SEC24A: variants seen among roughly 807,000 people sequenced by gnomAD.
SEC24A encodes the protein protein transport protein Sec24A.
A neutral mutation model predicts 129.4 loss-of-function variants in SEC24A; 93 were observed. The ratio of observed to expected loss-of-function variants is 0.72; its 90% CI spans 0.61 to 0.85. The LOEUF (loss-of-function observed/expected upper bound fraction) is 0.85, where lower values mean the gene tolerates loss of function less well. SEC24A is among the 40% of genes least tolerant of loss of function. The pLI, the probability that SEC24A is intolerant of heterozygous loss-of-function variation, is 0.00. For missense variants in SEC24A, 1,264 were observed against 1,307.4 expected, an observed-to-expected ratio of 0.97 and a Z score of 0.51; for synonymous variants, 460 against 467.3, an observed-to-expected ratio of 0.98 and a Z score of 0.20.
In SEC24A at chr5:134,658,004, C is replaced by G. The variant is rs140717215; in HGVS notation, c.98-3115C>G. 1.7e-4 allele frequency among the ~76,000 whole-genome samples: 26 copies of G among 152,304 alleles called. No individual in the cohort carries two copies. In the East Asian group the frequency reaches 4.4e-3, roughly 26 times the overall value. On this transcript the variant is annotated intron_variant, in intron 1 of 22. Transcript: ENST00000398844. ...CAACATATGGCTGGGCATGGTGGCT[C>G]ACGCCTGTAATCCCAGCACTTTGGG...
chr5:134,679,589 T>C lies in SEC24A; in HGVS notation c.1255-13T>C. 1 of 1,551,358 alleles carries C rather than the reference T, an allele frequency of 6.4e-7. No individual in the cohort carries two copies. Among genetic ancestry groups the C allele is most frequent in the Admixed American group, 1.9e-5 (1 of 53,796 alleles). On this transcript the variant is annotated splice_polypyrimidine_tract_variant and intron_variant, in intron 7 of 22. Transcript: ENST00000398844. ...TTGCCTTTAAAAATTTAATTCTGTTTTTTTTTTTCCAGCAATTGCCTGTGG... is the reference window on the plus strand; with the variant it reads ...TTGCCTTTAAAAATTTAATTCTGTTCTTTTTTTTCCAGCAATTGCCTGTGG...
chr5:134,676,767 A>G (rs1751082312), intron 7 of SEC24A, among the ~76,000 whole-genome samples: 1 of 152,078 alleles, frequency 6.6e-6, no homozygotes, highest in African/African-American at 2.4e-5. Context: ...TTTTGTGCAA[A>G]ATTATCTTGG....
At chr5:134,718,006 TG>T (rs1752527758) in intron 19 of SEC24A, 62 bp from the exon 20 acceptor site, 1 of 1,239,960 alleles carries the variant, frequency 8.1e-7, no homozygotes, top group Non-Finnish European at 1.2e-6. Context: ...TTTTTGTTGT[TG>T]TTTAACTGTG....
intron 18 of SEC24A, among the ~76,000 whole-genome samples, chr5:134,714,033 C>T (rs759780107): frequency 2.0e-5 from 3 of 150,928 alleles, no homozygotes; most frequent in Admixed American, 6.6e-5. Context: ...CAGAGGGAGG[C>T]TCCGTCACAA....
At chr5:134,715,389 G>A in intron 19 of SEC24A, 1 of 387,784 alleles carries the variant, frequency 2.6e-6, no homozygotes. Context: ...TCTAAGAAAT[G>A]GAAAGATTGT....
Position 134,671,952 on chromosome 5 carries a change from T to A in SEC24A, c.817+66T>A, listed in dbSNP as rs79675626. On this transcript the variant is annotated intron_variant, in intron 4 of 22. Coordinates refer to ENST00000398844, the MANE Select transcript of SEC24A (RefSeq NM_021982.3). ...TGATTATAGAAATAATATGTGGTAA[T>A]TGTACAAATATATAGGAAACTAAGA... 2.4e-3 allele frequency: 2,301 copies of A among 968,624 alleles called. 36 individuals are homozygous for A. In the African/African-American group the frequency reaches 0.035, roughly 15 times the overall value. 60.0% of individuals were successfully genotyped at this position (968,624 alleles called of 1,614,324 possible).
At chr5:134,689,716 A>G (rs1751571723) in intron 11 of SEC24A, among the ~76,000 whole-genome samples, 1 of 151,724 alleles carries the variant, frequency 6.6e-6, no homozygotes, top group South Asian at 2.1e-4. Flanking sequence ...GCAAGCCGAG[A>G]TCGTGCCACC....
Position 134,725,600 on chromosome 5 carries a change from T to G in SEC24A, c.*506T>G, listed in dbSNP as rs1752739826. ...AGAATTCATTCCCCACACGTGTCTTTTTTTTTTCTTTGTTAAGGGAAAGGA... is the reference window on the plus strand; with the variant it reads ...AGAATTCATTCCCCACACGTGTCTTGTTTTTTTCTTTGTTAAGGGAAAGGA... On this transcript the variant is annotated 3_prime_UTR_variant, in exon 23 of 23. Coordinates refer to ENST00000398844, the MANE Select transcript of SEC24A (RefSeq NM_021982.3). 6.6e-6 allele frequency: 1 copy of G among 151,636 alleles called. No individual in the cohort carries two copies. The highest frequency in any genetic ancestry group is 2.1e-4 in the South Asian group (1 of 4,756). 9.4% of individuals were successfully genotyped at this position (151,636 alleles called of 1,614,324 possible).
chr5:134,667,120 T>TG (rs1750688564), intron 3 of SEC24A, 124 bp downstream of exon 3: 1 of 778,546 alleles, frequency 1.3e-6, no homozygotes, highest in Non-Finnish European at 1.9e-6. Flanking sequence ...TGGTTAGGGA[T>TG]GGGCTACAGG....
chr5:134,701,746 T>A (rs777543728), intron 15 of SEC24A, among the ~76,000 whole-genome samples: 2 of 152,052 alleles, frequency 1.3e-5, no homozygotes, highest in African/African-American at 2.4e-5. Flanking sequence ...CCTGACCTCA[T>A]GATCTGCCTG....
At chr5:134,679,868 A>G in intron 8 of SEC24A, 140 bp downstream of exon 8, 1 of 447,194 alleles carries the variant, frequency 2.2e-6, no homozygotes. Context: ...AACTACAGGT[A>G]ACTTTTTTCT....
At chr5:134,710,024 T>C (rs970125407) in intron 18 of SEC24A, among the ~76,000 whole-genome samples, 5 of 151,498 alleles carry the variant, frequency 3.3e-5, no homozygotes, top group Admixed American at 3.3e-4. Context: ...CTCAGCCTCC[T>C]GAGTAGCTGG....
At chr5:134,668,996 C>T (rs1289931748) in intron 3 of SEC24A, among the ~76,000 whole-genome samples, 3 of 145,238 alleles carry the variant, frequency 2.1e-5, no homozygotes, top group East Asian at 2.1e-4. Context: ...CTCTTGAACC[C>T]GAGAGGTGGA....
intron 2 of SEC24A, among the ~76,000 whole-genome samples, chr5:134,663,065 A>G (rs1750528764): frequency 6.6e-6 from 1 of 152,084 alleles, no homozygotes; most frequent in African/African-American, 2.4e-5. Context: ...AAACTTTGAT[A>G]TCATTATCTG....
intron 1 of SEC24A, among the ~76,000 whole-genome samples, chr5:134,660,398 A>C (rs1324637106): frequency 1.3e-5 from 2 of 151,996 alleles, no homozygotes; most frequent in Non-Finnish European, 2.9e-5. Flanking sequence ...TAAGTAAATA[A>C]AATTGTAATA....
chr5:134,649,827 G>T (rs1226746816), intron 1 of SEC24A, among the ~76,000 whole-genome samples: 1 of 152,192 alleles, frequency 6.6e-6, no homozygotes, highest in Admixed American at 6.6e-5. Flanking sequence ...ATTATAGTTT[G>T]TCATTTGATG....
At chr5:134,669,781 A>G (rs1337557352) in intron 3 of SEC24A, among the ~76,000 whole-genome samples, 3 of 149,704 alleles carry the variant, frequency 2.0e-5, no homozygotes, top group Non-Finnish European at 4.5e-5. Flanking sequence ...CCGGCCCCAG[A>G]AAAAAAAAAC....
intron 12 of SEC24A, chr5:134,693,273 C>T: frequency 1.4e-6 from 2 of 1,421,214 alleles, no homozygotes; most frequent in Non-Finnish European, 1.8e-6. Flanking sequence ...ACAACCTAAC[C>T]TGTAAAGGTA....
chr5:134,688,572 A>G (rs1751527946), intron 11 of SEC24A, among the ~76,000 whole-genome samples: 1 of 152,122 alleles, frequency 6.6e-6, no homozygotes, highest in African/African-American at 2.4e-5. Flanking sequence ...CCTTCTTCCC[A>G]TTTATTCATT....
Sources: gnomAD v4.1 joint callset for allele counts (sites outside exome capture counted in the v4.1 genomes callset) on GRCh38, gnomAD v4.1.1 for gene constraint, MANE v1.5 for transcripts, NCBI Gene and HGNC (gene_info 2026-07-23, HGNC 2026-07-21) for gene names.